The following NXPE4 variants were observed in gnomAD, a reference collection of about 807,000 sequenced individuals.
The protein encoded by NXPE4 is NXPE family member 4.
NXPE4 carries 42 observed loss-of-function variants against 33.3 expected under a neutral mutation model. The observed-to-expected ratio is 1.26, with a 90% CI of 0.98 to 1.63. The LOEUF (loss-of-function observed/expected upper bound fraction) is 1.63, where lower values mean the gene tolerates loss of function less well. NXPE4 is among the 40% of genes most tolerant of loss of function. NXPE4 has a pLI of 0.00. For missense variants in NXPE4, 709 were observed against 647.6 expected, an observed-to-expected ratio of 1.09 and a Z score of -1.03; for synonymous variants, 253 against 234.9, an observed-to-expected ratio of 1.08 and a Z score of -0.71.
At chr11:114,672,787 C>A in the NXPE4 span, among the ~76,000 whole-genome samples, 1 of 151,424 alleles carries the variant, frequency 6.6e-6, no homozygotes, top group African/African-American at 2.4e-5. Flanking sequence ...AAGCATTTAA[C>A]AATATAGACC....
chr11:114,633,378 G>A, the NXPE4 span, among the ~76,000 whole-genome samples: 20 of 140,490 alleles, frequency 1.4e-4, no homozygotes, highest in Admixed American at 1.1e-3. Context: ...AATATATTAT[G>A]TATTATATTA....
At chr11:114,617,364 T>C in the NXPE4 span, among the ~76,000 whole-genome samples, 1 of 148,394 alleles carries the variant, frequency 6.7e-6, no homozygotes, top group Non-Finnish European at 1.5e-5. Context: ...ATTACGTCAT[T>C]GGTAACCACT....
At chr11:114,637,912 C>T in the NXPE4 span, among the ~76,000 whole-genome samples, 2 of 151,950 alleles carry the variant, frequency 1.3e-5, no homozygotes, top group Non-Finnish European at 2.9e-5. Context: ...TCCTTCCTTT[C>T]AACTTTGGTG....
At chr11:114,672,484 A>C in the NXPE4 span, among the ~76,000 whole-genome samples, 6 of 152,010 alleles carry the variant, frequency 3.9e-5, no homozygotes, top group African/African-American at 1.2e-4. Context: ...ATAATACTTA[A>C]TGTGAATAAT....
At chr11:114,655,085 T>C in the NXPE4 span, among the ~76,000 whole-genome samples, 822 of 152,326 alleles carry the variant, frequency 5.4e-3, 6 homozygotes, top group African/African-American at 0.018. Context: ...TAATGAGCTT[T>C]TTTTTCTTCA....
chr11:114,605,949 G>A, the NXPE4 span, among the ~76,000 whole-genome samples: 4 of 151,870 alleles, frequency 2.6e-5, no homozygotes, highest in African/African-American at 9.7e-5. Context: ...TTACCTGGTG[G>A]ATAATAAGTG....
chr11:114,633,386 T>G, the NXPE4 span, among the ~76,000 whole-genome samples: 1 of 144,562 alleles, frequency 6.9e-6, no homozygotes, highest in Non-Finnish European at 1.5e-5. Flanking sequence ...ATGTATTATA[T>G]TATATATTAT....
At chr11:114,602,917 A>G in the NXPE4 span, among the ~76,000 whole-genome samples, 11 of 149,066 alleles carry the variant, frequency 7.4e-5, no homozygotes, top group Admixed American at 1.4e-4. Context: ...AATCATATAT[A>G]ATAATCTAAT....
the NXPE4 span, among the ~76,000 whole-genome samples, chr11:114,653,740 G>A: frequency 6.6e-6 from 1 of 151,918 alleles, no homozygotes; most frequent in Non-Finnish European, 1.5e-5. Context: ...GTGTTAGCCA[G>A]GATGGTCTTG....
the NXPE4 span, among the ~76,000 whole-genome samples, chr11:114,625,785 TG>T: frequency 6.6e-6 from 1 of 151,944 alleles, no homozygotes; most frequent in African/African-American, 2.4e-5. Context: ...CATTAGGGAG[TG>T]CCAGACAGTG....
chr11:114,571,381 A>T lies in NXPE4; in HGVS notation c.1192T>A (p.Tyr398Asn), dbSNP rs550897. Residue 398 changes from tyrosine to asparagine, a missense_variant, in exon 6 of 6, where the codon TAT becomes AAT. Tyr to Asn is a moderately radical substitution (Grantham distance 143). Transcript: ENST00000375478. The part of the protein sequence containing the change: ...DRNINIQWQK[Y>N]CYPLIGSMTY... ...ATTGATCCTATCAAGGGATAACAAT[A>T]TTTTTGCCACTGGATGTTGATGTTC... The T allele has an allele frequency of 1.2e-6, 2 of 1,613,648 alleles. No individual in the cohort carries two copies. Among genetic ancestry groups the T allele is most frequent in the Admixed American group, 3.3e-5 (2 of 59,978 alleles).
At chr11:114,670,816 T>C in the NXPE4 span, among the ~76,000 whole-genome samples, 1 of 151,768 alleles carries the variant, frequency 6.6e-6, no homozygotes, top group African/African-American at 2.4e-5. Context: ...ACAAAAATTA[T>C]AAGACATGCA....
the NXPE4 span, among the ~76,000 whole-genome samples, chr11:114,663,677 T>TC: frequency 7.0e-4 from 93 of 132,282 alleles, no homozygotes; most frequent in African/African-American, 1.7e-3. Flanking sequence ...CATCTATCTA[T>TC]TTATCTATCT....
intron 5 of NXPE4, among the ~76,000 whole-genome samples, chr11:114,571,804 C>G (rs1422284941): frequency 6.6e-6 from 1 of 152,082 alleles, no homozygotes; most frequent in Non-Finnish European, 1.5e-5. Flanking sequence ...ATCCATAGAC[C>G]CTTTGAAGGA....
chr11:114,663,667 C>CATCTATTT, the NXPE4 span, among the ~76,000 whole-genome samples: 7 of 84,646 alleles, frequency 8.3e-5, no homozygotes, highest in African/African-American at 1.3e-4. Flanking sequence ...ATTTATCTAT[C>CATCTATTT]ATCTATCTAT....
At chr11:114,577,045 T>TTATA (rs370201249) in intron 5 of NXPE4, among the ~76,000 whole-genome samples, 1 of 25,838 alleles carries the variant, frequency 3.9e-5, no homozygotes, top group African/African-American at 1.9e-4. Flanking sequence ...ATATATAAAG[T>TTATA]TATATATATA....
At chr11:114,593,153 A>G (rs574019615) in intron 2 of NXPE4, among the ~76,000 whole-genome samples, 1 of 152,280 alleles carries the variant, frequency 6.6e-6, no homozygotes, top group South Asian at 2.1e-4. Flanking sequence ...ATGCACAGAG[A>G]AGAAAAGCAA....
At chr11:114,589,195 G>T (rs568390306) in intron 2 of NXPE4, among the ~76,000 whole-genome samples, 1 of 152,224 alleles carries the variant, frequency 6.6e-6, no homozygotes, top group South Asian at 2.1e-4. Flanking sequence ...TGATCAGACT[G>T]CCCCCAGAGA....
At chr11:114,632,294 T>TCCA in the NXPE4 span, among the ~76,000 whole-genome samples, 2 of 137,688 alleles carry the variant, frequency 1.5e-5, no homozygotes, top group South Asian at 2.2e-4. Context: ...ATGTATATTA[T>TCCA]CCACCACCAC....
Sources: gnomAD v4.1 joint callset for allele counts (sites outside exome capture counted in the v4.1 genomes callset) on GRCh38, gnomAD v4.1.1 for gene constraint, MANE v1.5 for transcripts, NCBI Gene and HGNC (gene_info 2026-07-23, HGNC 2026-07-21) for gene names.